Variants in LPA observed in about 807,000 individuals in gnomAD.
LPA encodes apolipoprotein(a).
Under a neutral mutation model 197.9 loss-of-function variants are expected in LPA, and 199 were observed. The ratio of observed to expected loss-of-function variants is 1.01; its 90% CI spans 0.90 to 1.13. The LOEUF (loss-of-function observed/expected upper bound fraction) is 1.13, where lower values mean the gene tolerates loss of function less well. LPA is among the 50% of genes most tolerant of loss of function. The pLI is 0.00. For missense variants in LPA, 1,853 were observed against 1,785.8 expected (o/e 1.04, Z -0.68); for synonymous variants, 715 against 639.5 (o/e 1.12, Z -1.78).
intron 26 of LPA, among the ~76,000 whole-genome samples, chr6:160,583,906 T>C (rs905560570): frequency 6.6e-6 from 1 of 152,236 alleles, no homozygotes; most frequent in Non-Finnish European, 1.5e-5. Context: ...CAGGTTGTAC[T>C]GTCTGCTGTT....
chr6:160,650,303 A>G (rs187792544), intron 2 of LPA, 35 bp downstream of exon 2: 7 of 1,610,252 alleles, frequency 4.3e-6, no homozygotes, highest in Admixed American at 1.7e-5. Flanking sequence ...TTTTACTTGG[A>G]CCTTGTTTTG....
intron 23 of LPA, among the ~76,000 whole-genome samples, chr6:160,590,067 G>A (rs769003994): frequency 2.6e-5 from 4 of 152,190 alleles, no homozygotes; most frequent in Admixed American, 6.6e-5. Context: ...GCAGGCTGTA[G>A]GTGGTGGTTG....
intron 28 of LPA, 126 bp downstream of exon 28, chr6:160,577,010 G>T: frequency 8.8e-7 from 1 of 1,135,546 alleles, no homozygotes; most frequent in Non-Finnish European, 1.3e-6. Context: ...CAAAGGTCCT[G>T]AGACATTTTG....
At chr6:160,650,597 C>A in intron 1 of LPA, 100 bp from the exon 2 acceptor site, 1 of 1,159,238 alleles carries the variant, frequency 8.6e-7, no homozygotes, top group Admixed American at 1.7e-5. Context: ...CTGAGAATTA[C>A]GACCATTCTC....
chr6:160,586,328 C>A, intron 25 of LPA, 121 bp downstream of exon 25: 1 of 1,165,302 alleles, frequency 8.6e-7, no homozygotes, highest in Non-Finnish European at 1.2e-6. Context: ...TTCCCATTGG[C>A]TGTCCATGAC....
At chr6:160,608,819 T>TTG (rs10526739) in intron 16 of LPA, among the ~76,000 whole-genome samples, 16,760 of 149,252 alleles carry the variant, frequency 0.11, 1,464 homozygotes, top group Middle Eastern at 0.25. Flanking sequence ...TTCTTGAGGG[T>TTG]TGTGTGTGTG....
At chr6:160,564,981 G>A (rs373186676) in intron 28 of LPA, among the ~76,000 whole-genome samples, 2 of 152,172 alleles carry the variant, frequency 1.3e-5, no homozygotes, top group Non-Finnish European at 2.9e-5. Flanking sequence ...GGGGAGGGGC[G>A]TCTGCCATTG....
intron 30 of LPA, among the ~76,000 whole-genome samples, chr6:160,551,713 G>C (rs1230218113): frequency 1.3e-5 from 2 of 152,132 alleles, no homozygotes; most frequent in Non-Finnish European, 2.9e-5. Flanking sequence ...AATTTGAGAT[G>C]AAAAGCAAAA....
chr6:160,626,463 TG>T (rs1779653134), intron 10 of LPA, among the ~76,000 whole-genome samples: 1 of 125,242 alleles, frequency 8.0e-6, no homozygotes, highest in Non-Finnish European at 1.6e-5. Flanking sequence ...TGTGTGTGTG[TG>T]TGTGTGTGTG....
Position 160,577,191 on chromosome 6 carries a change from A to G in LPA, c.4576T>C (p.Trp1526Arg). 6.2e-7 allele frequency: 1 copy of G among 1,613,956 alleles called. No homozygotes were observed. The highest frequency in any genetic ancestry group is 8.5e-7 in the Non-Finnish European group (1 of 1,179,872). Reference protein sequence around the residue: ...TTVTGRTCQSWSSMIPHWHQR... With the variant: ...TTVTGRTCQSRSSMIPHWHQR... The stretch of plus-strand genomic sequence containing the variant: ...TGCCAGTGTGGTATCATAGATGACC[A>G]AGATTGACAGGTCCTTCCTGTGACA... The change falls in exon 28 of 39, where the codon TGG becomes CGG. Residue 1526 changes from tryptophan to arginine, a missense_variant. By Grantham distance (101) the Trp-to-Arg change is moderately radical. This residue lies in a region of LPA where 1,737 missense variants were observed against 1,504.4 expected (regional missense o/e 1.15). Transcript: ENST00000316300.
At position 160,595,360 on chromosome 6, in the gene LPA, CAGA is replaced by C. The variant is rs1384306757; in HGVS notation, c.3460_3462del (p.Ser1154del). On this transcript the variant is annotated inframe_deletion, in exon 21 of 39. Transcript: ENST00000316300. ...CTGGCCATAGACTTCCTACCTTCTT[CAGA>C]AGAAGCCTCTGTGCTTGGATCTGGG... is the stretch of plus-strand genomic sequence containing the variant. The C allele has an allele frequency of 6.2e-7, 1 of 1,612,424 alleles. No homozygotes were observed. The highest frequency in any genetic ancestry group is 8.5e-7 in the Non-Finnish European group (1 of 1,179,882).
chr6:160,653,997 T>TATATAATATATATTATATATA (rs1780063991), intron 1 of LPA, among the ~76,000 whole-genome samples: 3 of 10,826 alleles, frequency 2.8e-4, no homozygotes, highest in Non-Finnish European at 4.5e-4. Flanking sequence ...TAATATATAT[T>TATATAATATATATTATATATA]ATATATAATA....
At chr6:160,550,607 G>C (rs897487956) in intron 30 of LPA, among the ~76,000 whole-genome samples, 16 of 152,166 alleles carry the variant, frequency 1.1e-4, no homozygotes, top group African/African-American at 3.9e-4. Flanking sequence ...ATGTACACTT[G>C]TGTAACTCAC....
intron 16 of LPA, among the ~76,000 whole-genome samples, chr6:160,606,972 TC>T (rs1483414848): frequency 1.3e-5 from 2 of 152,084 alleles, no homozygotes; most frequent in Non-Finnish European, 2.9e-5. Context: ...CCAATCCATC[TC>T]TCTGGAATAA....
rs1779894049 is a variant in LPA, at chr6:160,646,923, G to A, written c.210-528C>T. Among the ~76,000 whole-genome samples, 2 of 151,836 alleles carry A rather than the reference G, an allele frequency of 1.3e-5. 1 individual carries two copies. The highest frequency in any genetic ancestry group is 1.3e-4 in the Admixed American group (2 of 15,270). On this transcript the variant is annotated intron_variant, in intron 2 of 38. Coordinates refer to ENST00000316300, the MANE Select transcript of LPA (RefSeq NM_005577.4). Reference sequence around the variant, plus strand: ...TTCCAGGTCAACTCTCACACTCCATGTACTCAAAACCTAGTGAAAAGGCTC... The same window carrying A: ...TTCCAGGTCAACTCTCACACTCCATATACTCAAAACCTAGTGAAAAGGCTC...
At chr6:160,565,224 C>A (rs1359413799) in intron 28 of LPA, among the ~76,000 whole-genome samples, 2 of 152,192 alleles carry the variant, frequency 1.3e-5, no homozygotes, top group Admixed American at 6.5e-5. Context: ...AGACTGCCTC[C>A]TCAAGTGGGT....
Position 160,540,128 on chromosome 6 carries a change from G to C in LPA, c.5650C>G (p.Leu1884Val). 1 of 1,614,088 alleles carries C rather than the reference G, an allele frequency of 6.2e-7. No homozygotes were observed. The highest frequency in any genetic ancestry group is 8.5e-7 in the Non-Finnish European group (1 of 1,180,022). ...TCTATTTCCTGAACATGAGATTCGAGGTTCACTTCTTGGTGTGCACCCAGG... is the reference window on the plus strand; with the variant it reads ...TCTATTTCCTGAACATGAGATTCGACGTTCACTTCTTGGTGTGCACCCAGG... ...VILGAHQEVN[L>V]ESHVQEIEVS... is the part of the protein sequence containing the mutation. The change falls in exon 36 of 39, where the codon CTC (leucine) becomes GTC (valine). Residue 1884 changes from leucine (L) to valine (V), a missense_variant. Leu to Val is a conservative substitution (Grantham distance 32). Around this residue, in one of 3 missense-constraint regions of LPA, gnomAD observed 1,737 missense variants for 1,504.4 expected, o/e 1.15. Coordinates refer to ENST00000316300, the MANE Select transcript of LPA (RefSeq NM_005577.4).
chr6:160,611,426 A>C, intron 16 of LPA, 136 bp downstream of exon 16: 1 of 1,501,274 alleles, frequency 6.7e-7, no homozygotes. Flanking sequence ...CTCCAAGGAA[A>C]TCATCCTGAG....
intron 28 of LPA, among the ~76,000 whole-genome samples, chr6:160,563,885 CCG>C (rs1035766656): frequency 1.2e-4 from 18 of 152,288 alleles, no homozygotes; most frequent in Admixed American, 3.3e-4. Context: ...AAGATTGCAA[CCG>C]CTGCTTTTTT....
Sources: gnomAD v4.1 joint callset for allele counts (sites outside exome capture counted in the v4.1 genomes callset) on GRCh38, gnomAD v4.1.1 for gene constraint, gnomAD v4.1.1 regional missense constraint, MANE v1.5 for transcripts, NCBI Gene and HGNC (gene_info 2026-07-23, HGNC 2026-07-21) for gene names.